Variants in DCST2 observed in about 807,000 individuals in gnomAD.
The protein encoded by DCST2 is DC-STAMP domain containing 2, also known as DC-STAMP domain-containing protein 2.
A neutral mutation model predicts 81.8 loss-of-function variants in DCST2; 64 were observed. The observed-to-expected ratio is 0.78, with a 90% CI of 0.64 to 0.96. DCST2 has a LOEUF of 0.96. Among genes scored for constraint, DCST2 ranks in the 40% least tolerant of loss-of-function variants. DCST2 has a pLI of 0.00. For missense variants in DCST2, 945 were observed against 1,001.4 expected (o/e 0.94, Z 0.76); for synonymous variants, 354 against 402.6 (o/e 0.88, Z 1.44).
chr1:155,028,855 C>A (rs193092100), intron 8 of DCST2, among the ~76,000 whole-genome samples: 3 of 121,554 alleles, frequency 2.5e-5, no homozygotes, highest in Admixed American at 1.1e-4. Flanking sequence ...GGTGACAGAA[C>A]GAGACTCTGT....
Position 155,024,577 on chromosome 1 carries a change from A to T in DCST2, c.1637T>A (p.Val546Glu), listed in dbSNP as rs753121850. 1 of 1,608,150 alleles carries T rather than the reference A, an allele frequency of 6.2e-7. No individual in the cohort carries two copies. The highest frequency in any genetic ancestry group is 1.1e-5 in the South Asian group (1 of 89,212). The change falls in exon 11 of 15, where the codon GTA becomes GAA. Residue 546 changes from valine to glutamate, a missense_variant. By Grantham distance (121) the Val-to-Glu change is moderately radical (BLOSUM62 -2). Coordinates refer to ENST00000368424, the MANE Select transcript of DCST2 (RefSeq NM_144622.3). Reference protein sequence around the residue: ...EQERISYLYNVLLSRRTNLLA... With the variant: ...EQERISYLYNELLSRRTNLLA... Reference sequence around the variant, plus strand: ...CAGATTGGTTCGGCGGCTCAGAAGTACATTGTACAGGTAGGAGATCCTCTC... The same window carrying T: ...CAGATTGGTTCGGCGGCTCAGAAGTTCATTGTACAGGTAGGAGATCCTCTC...
intron 9 of DCST2, 61 bp from the exon 10 acceptor site, chr1:155,026,463 G>A (rs1659913219): frequency 6.2e-7 from 1 of 1,612,468 alleles, no homozygotes; most frequent in Admixed American, 1.7e-5. Context: ...CCCACCCCTG[G>A]CGCCCCCCAC....
At chr1:155,031,515 T>TCC in intron 4 of DCST2, 59 bp downstream of exon 4, 3 of 643,118 alleles carry the variant, frequency 4.7e-6, no homozygotes, top group South Asian at 1.4e-5. Flanking sequence ...ACCCCCACAT[T>TCC]CCCACCCCAC....
chr1:155,023,105 C>A lies in DCST2; in HGVS notation c.2105+12G>T. 1 of 1,609,072 alleles carries A rather than the reference C, an allele frequency of 6.2e-7. No homozygotes were observed. Reference sequence around the variant, plus strand: ...CACAATTCCCAGGTGCCAACTCCTGCTTCCTGCTCACCTGGACTCGGAAGT... The same window carrying A: ...CACAATTCCCAGGTGCCAACTCCTGATTCCTGCTCACCTGGACTCGGAAGT... On this transcript the variant is annotated intron_variant, in intron 14 of 14. Coordinates refer to ENST00000368424, the MANE Select transcript of DCST2 (RefSeq NM_144622.3).
intron 8 of DCST2, among the ~76,000 whole-genome samples, chr1:155,028,137 C>G (rs922835325): frequency 6.6e-6 from 1 of 151,194 alleles, no homozygotes; most frequent in Non-Finnish European, 1.5e-5. Flanking sequence ...TGTTGGCCAG[C>G]CTGGTCTCAA....
chr1:155,029,301 A>G lies in DCST2; in HGVS notation c.1274T>C (p.Leu425Pro). The change falls in exon 8 of 15, where the codon CTA (leucine) becomes CCA (proline). Residue 425 changes from leucine to proline, a missense_variant. Physicochemically the swap from Leu to Pro is moderately conservative, Grantham distance 98. Coordinates refer to ENST00000368424, the MANE Select transcript of DCST2 (RefSeq NM_144622.3). ...AAGCACCCAGAAGACAGCATAGTCT[A>G]GGAAGACTAGGAACAGCACGAGGAG... ...HLLLVLFLVF[L>P]DYAVFWVLDL... is the part of the protein sequence containing the mutation. 3.1e-6 allele frequency: 5 copies of G among 1,614,172 alleles called. No homozygotes were observed. Among genetic ancestry groups the G allele is most frequent in the Non-Finnish European group, 4.2e-6 (5 of 1,180,020 alleles).
At chr1:155,033,043 A>T (rs372063146) in intron 2 of DCST2, 51 bp downstream of exon 2, 603 of 1,473,786 alleles carry the variant, frequency 4.1e-4, no homozygotes, top group Non-Finnish European at 4.2e-4. Context: ...ATGCAGGATG[A>T]GGGGGGCGAG....
chr1:155,023,995 C>G (rs1033911226), intron 11 of DCST2, 36 bp from the exon 12 acceptor site: 17 of 1,599,480 alleles, frequency 1.1e-5, no homozygotes, highest in Non-Finnish European at 1.4e-5. Flanking sequence ...GCAGGCCAGC[C>G]CAGCCAGCTT....
At chr1:155,023,576 G>A (rs1342836988) in intron 12 of DCST2, 119 bp from the exon 13 acceptor site, 2 of 1,546,978 alleles carry the variant, frequency 1.3e-6, no homozygotes, top group South Asian at 1.2e-5. Context: ...CCTTGTCAAG[G>A]GGTGCACACT....
Position 155,033,442 on chromosome 1 carries a change from G to A in DCST2, c.260C>T (p.Ala87Val). 6.2e-7 allele frequency: 1 copy of A among 1,613,348 alleles called. No individual in the cohort carries two copies. Among genetic ancestry groups the A allele is most frequent in the East Asian group, 2.2e-5 (1 of 44,866 alleles). Residue 87 changes from alanine (A) to valine (V), a missense_variant, in exon 1 of 15, where the codon GCC becomes GTC. Physicochemically the swap from Ala to Val is moderately conservative, Grantham distance 64. Transcript: ENST00000368424. ...RATVLLLLPQ[A>V]FSRQGRTLLL... ...CTGGGTGCCAAGCTCACTGGAGAAG[G>A]CCTGAGGCAGCAGCAGGAGGACAGT...
At position 155,030,572 on chromosome 1, in the gene DCST2, C is replaced by T; in HGVS notation, c.879G>A (p.Val293=). Reference sequence around the variant, plus strand: ...ACAGGCTCCGAGAGGCATTGAGATCCACAGAGAAGTGGTGGGTGGCTGTCA... The same window carrying T: ...ACAGGCTCCGAGAGGCATTGAGATCTACAGAGAAGTGGTGGGTGGCTGTCA... ...FNMTATHHFS[V]DLNASRSLSQ... The change falls in exon 6 of 15, where the codon GTG becomes GTA. Residue 293 remains valine (V), a synonymous_variant. Coordinates refer to ENST00000368424, the MANE Select transcript of DCST2 (RefSeq NM_144622.3). The T allele has an allele frequency of 6.2e-7, 1 of 1,614,154 alleles. No homozygotes were observed. Among genetic ancestry groups the T allele is most frequent in the Non-Finnish European group, 8.5e-7 (1 of 1,180,038 alleles).
intron 2 of DCST2, 56 bp from the exon 3 acceptor site, chr1:155,032,824 C>T: frequency 6.7e-7 from 1 of 1,489,108 alleles, no homozygotes; most frequent in Non-Finnish European, 9.4e-7. Context: ...GGCTGGTTCT[C>T]ACCATTGCCC....
Position 155,031,643 on chromosome 1 carries a change from T to G in DCST2, c.670A>C (p.Ile224Leu), listed in dbSNP as rs1306485199. ...DDAKDSCMMV[I>L]PQAYHLCYVL... ...TAACACAGGTGGTAGGCTTGTGGTA[T>G]GACCATCATGCAGCTGTCCTTGGCA... The change falls in exon 4 of 15, where the codon ATA becomes CTA. Residue 224 changes from isoleucine to leucine, a missense_variant. Physicochemically the swap from Ile to Leu is conservative, Grantham distance 5. Coordinates refer to ENST00000368424, the MANE Select transcript of DCST2 (RefSeq NM_144622.3). The G allele has an allele frequency of 2.5e-6, 4 of 1,614,108 alleles. No individual in the cohort carries two copies. The South Asian group carries it at 3.3e-5, about 13-fold the overall frequency.
chr1:155,018,731 T>C lies in DCST2; in HGVS notation c.2135A>G (p.Gln712Arg). The stretch of plus-strand genomic sequence containing the variant: ...TAAGGGCTGCTGCCCGTGCTTCCTC[T>C]GCTGAGGCCCCTTCTCCTCATCCAG... ...SDLDEEKGPQ[Q>R]RKHGQQPLPE... Residue 712 changes from glutamine (Q) to arginine (R), a missense_variant, in exon 15 of 15, where the codon CAG becomes CGG. Coordinates refer to ENST00000368424, the MANE Select transcript of DCST2 (RefSeq NM_144622.3). 1 of 1,613,604 alleles carries C rather than the reference T, an allele frequency of 6.2e-7. No homozygotes were observed. The highest frequency in any genetic ancestry group is 8.5e-7 in the Non-Finnish European group (1 of 1,179,934).
At position 155,030,595 on chromosome 1, in the gene DCST2, T is replaced by G. The variant is rs757949067; in HGVS notation, c.856A>C (p.Thr286Pro). The change falls in exon 6 of 15, where the codon ACA becomes CCA. Residue 286 changes from threonine to proline, a missense_variant. Transcript: ENST00000368424. ...TCCACAGAGAAGTGGTGGGTGGCTG[T>G]CATGTTGAACTCAAACTCCTGACGC... ...RVRQEFEFNM[T>P]ATHHFSVDLN... 1 of 1,613,930 alleles carries G rather than the reference T, an allele frequency of 6.2e-7. No individual in the cohort carries two copies. The highest frequency in any genetic ancestry group is 8.5e-7 in the Non-Finnish European group (1 of 1,179,990).
Position 155,032,715 on chromosome 1 carries a change from G to A in DCST2, c.493C>T (p.Arg165Trp), listed in dbSNP as rs201683928. The A allele has an allele frequency of 5.5e-5, 88 of 1,614,092 alleles. No homozygotes were observed. The highest frequency in any genetic ancestry group is 1.8e-4 in the East Asian group (8 of 44,880). The change falls in exon 3 of 15, where the codon CGG becomes TGG. Residue 165 changes from arginine to tryptophan, a missense_variant. Physicochemically the swap from Arg to Trp is moderately radical, Grantham distance 101. Coordinates refer to ENST00000368424, the MANE Select transcript of DCST2 (RefSeq NM_144622.3). ...IARKTKEVAD[R>W]VRKFFRSIMD... Reference sequence around the variant, plus strand: ...ATTGACCGAAAGAACTTGCGGACCCGGTCAGCCACCTCTTTGGTCTTCCGG... The same window carrying A: ...ATTGACCGAAAGAACTTGCGGACCCAGTCAGCCACCTCTTTGGTCTTCCGG...
chr1:155,033,484 G>A lies in DCST2; in HGVS notation c.218C>T (p.Ser73Phe), dbSNP rs1660167705. The change falls in exon 1 of 15, where the codon TCT becomes TTT. Residue 73 changes from serine to phenylalanine, a missense_variant. Transcript: ENST00000368424. ...AAFLSLGMGF[S>F]RQVRATVLLL... ...GAGGACAGTGGCTCGGACCTGGCGA[G>A]AGAATCCCATGCCCAGGCTAAGGAA... 1 of 1,613,958 alleles carries A rather than the reference G, an allele frequency of 6.2e-7. No individual in the cohort carries two copies. The highest frequency in any genetic ancestry group is 8.5e-7 in the Non-Finnish European group (1 of 1,179,944).
intron 14 of DCST2, among the ~76,000 whole-genome samples, chr1:155,022,659 T>C (rs770183151): frequency 4.2e-4 from 64 of 152,142 alleles, no homozygotes; most frequent in Non-Finnish European, 7.9e-4. Context: ...GGTGGGAGGA[T>C]CACTTGAGCC....
intron 12 of DCST2, 112 bp downstream of exon 12, chr1:155,023,720 G>A: frequency 6.3e-7 from 1 of 1,579,980 alleles, no homozygotes; most frequent in Admixed American, 1.9e-5. Context: ...GAAGGGAGGG[G>A]CACAAAAGAT....
Sources: gnomAD v4.1 joint callset for allele counts (sites outside exome capture counted in the v4.1 genomes callset) on GRCh38, gnomAD v4.1.1 for gene constraint, MANE v1.5 for transcripts, NCBI Gene and HGNC (gene_info 2026-07-23, HGNC 2026-07-21) for gene names.